Variants in REC114 observed in about 807,000 individuals in gnomAD.
REC114 encodes REC114 meiotic recombination protein, also known as meiotic recombination protein REC114.
A neutral mutation model predicts 31.3 loss-of-function variants in REC114; 27 were observed. The ratio of observed to expected loss-of-function variants is 0.86; its 90% CI spans 0.64 to 1.19. The LOEUF is 1.19. Ranked by LOEUF, REC114 falls within the 50% of genes most tolerant of loss-of-function variation. The pLI is 0.00. For synonymous variants in REC114, 134 were observed against 127.7 expected, an observed-to-expected ratio of 1.05 and a Z score of -0.33; for missense variants, 344 against 326.9, an observed-to-expected ratio of 1.05 and a Z score of -0.40.
intron 2 of REC114, among the ~76,000 whole-genome samples, chr15:73,490,260 C>A (rs1309763374): frequency 6.6e-6 from 1 of 152,210 alleles, no homozygotes; most frequent in Non-Finnish European, 1.5e-5. Context: ...GTGCTCTTCA[C>A]ATTTTCTGTT....
intron 2 of REC114, among the ~76,000 whole-genome samples, chr15:73,474,440 A>G (rs1481942160): frequency 1.3e-5 from 2 of 152,226 alleles, no homozygotes; most frequent in Non-Finnish European, 2.9e-5. Context: ...ACTTGGTTGA[A>G]AGTTTAGGTT....
At chr15:73,509,565 A>G (rs962038988) in intron 2 of REC114, among the ~76,000 whole-genome samples, 24 of 149,260 alleles carry the variant, frequency 1.6e-4, no homozygotes, top group African/African-American at 5.7e-4. Flanking sequence ...TAGGGTTTTT[A>G]TGGTTTTAGG....
In REC114 at chr15:73,550,938, G is replaced by A. The variant is rs1458459626; in HGVS notation, c.334G>A (p.Asp112Asn). The stretch of plus-strand genomic sequence containing the variant: ...TGATAACTTTTGATTTGTCAAACAG[G>A]ACAAGAGTCGCCTGTTTCGAGTACA... The part of the protein sequence containing the change: ...DCLLFGTTIK[D>N]KSRLFRVQFS... Residue 112 changes from aspartate to asparagine, a missense_variant and splice_region_variant, in exon 4 of 6, where the codon GAC (aspartate) becomes AAC (asparagine). By Grantham distance (23) the Asp-to-Asn change is conservative. Transcript: ENST00000331090. 2 of 1,613,742 alleles carry A rather than the reference G, an allele frequency of 1.2e-6. No homozygotes were observed.
At chr15:73,466,182 G>A (rs1433835008) in intron 1 of REC114, among the ~76,000 whole-genome samples, 2 of 151,874 alleles carry the variant, frequency 1.3e-5, no homozygotes, top group Non-Finnish European at 2.9e-5. Flanking sequence ...TTAACTGTTT[G>A]AACTTGGATT....
chr15:73,507,033 A>T (rs976179310), intron 2 of REC114, among the ~76,000 whole-genome samples: 1 of 152,216 alleles, frequency 6.6e-6, no homozygotes, highest in African/African-American at 2.4e-5. Flanking sequence ...ACATAAAAAA[A>T]TTCAAAACTT....
intron 1 of REC114, among the ~76,000 whole-genome samples, chr15:73,449,186 T>C (rs1892809433): frequency 6.6e-6 from 1 of 151,980 alleles, no homozygotes; most frequent in African/African-American, 2.4e-5. Context: ...AGGTGGGTAA[T>C]AACAAACTCC....
At chr15:73,496,025 T>C (rs1893517345) in intron 2 of REC114, among the ~76,000 whole-genome samples, 1 of 152,084 alleles carries the variant, frequency 6.6e-6, no homozygotes, top group Admixed American at 6.6e-5. Context: ...AATATTTTTT[T>C]ATTTAAACTT....
At chr15:73,445,835 C>A (rs1350405735) in intron 1 of REC114, among the ~76,000 whole-genome samples, 1 of 152,100 alleles carries the variant, frequency 6.6e-6, no homozygotes, top group Admixed American at 6.5e-5. Flanking sequence ...GATCACAGAT[C>A]ACCATCATAT....
At chr15:73,511,455 C>G (rs1893768278) in intron 2 of REC114, among the ~76,000 whole-genome samples, 1 of 152,020 alleles carries the variant, frequency 6.6e-6, no homozygotes, top group Admixed American at 6.6e-5. Context: ...CAGTTCTGCT[C>G]TGATTTTAGT....
intron 2 of REC114, among the ~76,000 whole-genome samples, chr15:73,498,131 A>G (rs978859270): frequency 6.6e-6 from 1 of 152,070 alleles, no homozygotes; most frequent in African/African-American, 2.4e-5. Flanking sequence ...ACACAAAACC[A>G]TAAGGTGTTA....
intron 2 of REC114, among the ~76,000 whole-genome samples, chr15:73,507,210 A>G (rs1166839839): frequency 1.3e-5 from 2 of 152,252 alleles, no homozygotes; most frequent in African/African-American, 4.8e-5. Flanking sequence ...AGTGGAAACT[A>G]TGTATATATA....
chr15:73,467,407 A>G (rs1315399550), intron 1 of REC114, among the ~76,000 whole-genome samples: 1 of 152,114 alleles, frequency 6.6e-6, no homozygotes, highest in Non-Finnish European at 1.5e-5. Flanking sequence ...TATGTCACTA[A>G]TTATATTTGT....
At chr15:73,526,087 T>G (rs1894003233) in intron 2 of REC114, among the ~76,000 whole-genome samples, 1 of 152,218 alleles carries the variant, frequency 6.6e-6, no homozygotes, top group Non-Finnish European at 1.5e-5. Context: ...GATGTTCCTT[T>G]TTATCTCTGG....
In REC114 at chr15:73,473,822, C is replaced by G. The variant is rs575883354; in HGVS notation, c.160-10C>G. ...ATCTTTTACATATTTTTCTCCTTCTCCCTTTCAAGGTTTTTGATTCCAATG... is the reference window on the plus strand; with the variant it reads ...ATCTTTTACATATTTTTCTCCTTCTGCCTTTCAAGGTTTTTGATTCCAATG... On this transcript the variant is annotated splice_polypyrimidine_tract_variant and intron_variant, in intron 1 of 5. Coordinates refer to ENST00000331090, the MANE Select transcript of REC114 (RefSeq NM_001042367.2). The G allele has an allele frequency of 6.7e-7, 1 of 1,503,246 alleles. No homozygotes were observed. The highest frequency in any genetic ancestry group is 1.4e-5 in the African/African-American group (1 of 72,692). 93.1% of individuals were successfully genotyped at this position (1,503,246 alleles called of 1,614,324 possible). A position where few individuals can be genotyped will look rare whatever the true frequency, so the allele number is the denominator to read the frequency against.
intron 5 of REC114, among the ~76,000 whole-genome samples, chr15:73,559,205 T>C (rs1894528487): frequency 6.6e-6 from 1 of 152,236 alleles, no homozygotes; most frequent in Non-Finnish European, 1.5e-5. Flanking sequence ...AAATGTTCTG[T>C]ATTTTGATTG....
chr15:73,531,057 C>T (rs897641793), intron 2 of REC114, among the ~76,000 whole-genome samples: 2 of 152,108 alleles, frequency 1.3e-5, no homozygotes, highest in African/African-American at 2.4e-5. Context: ...AAATAAAATG[C>T]TGTTTTCTTC....
intron 2 of REC114, among the ~76,000 whole-genome samples, chr15:73,485,821 C>T (rs1173490634): frequency 6.6e-6 from 1 of 152,180 alleles, no homozygotes; most frequent in African/African-American, 2.4e-5. Flanking sequence ...CTACTACAGC[C>T]ACTTTTTCAG....
intron 1 of REC114, among the ~76,000 whole-genome samples, chr15:73,455,298 C>T (rs1366674560): frequency 1.3e-5 from 2 of 152,096 alleles, no homozygotes; most frequent in Admixed American, 1.3e-4. Flanking sequence ...TTAGGTAAAG[C>T]ATAAAAATAT....
chr15:73,530,192 T>G (rs1307666800), intron 2 of REC114, among the ~76,000 whole-genome samples: 1 of 152,244 alleles, frequency 6.6e-6, no homozygotes, highest in East Asian at 1.9e-4. Flanking sequence ...CAGGTATTGC[T>G]TCTCCAAGCA....
Sources: allele counts gnomAD v4.1 joint callset (sites outside exome capture counted in the v4.1 genomes callset), GRCh38; gene constraint gnomAD v4.1.1; transcripts MANE v1.5; gene names NCBI Gene and HGNC (gene_info 2026-07-23, HGNC 2026-07-21).